RFTN2: variants seen among roughly 807,000 people sequenced by gnomAD.
The protein encoded by RFTN2 is raftlin-2.
In RFTN2, 34 loss-of-function variants were observed where a neutral mutation model predicts 52.7. That is an observed-to-expected ratio of 0.64 (90% CI 0.49 to 0.86). The LOEUF is 0.86. Ranked by LOEUF, RFTN2 falls within the 40% of genes least tolerant of loss-of-function variation. The pLI is 0.00. For synonymous variants in RFTN2, 203 were observed against 217.7 expected (o/e 0.93, Z 0.59); for missense variants, 536 against 600.1 (o/e 0.89, Z 1.12).
intron 8 of RFTN2, among the ~76,000 whole-genome samples, chr2:197,589,185 G>A (rs1265256164): frequency 8.6e-6 from 1 of 115,776 alleles, no homozygotes; most frequent in Non-Finnish European, 1.6e-5. Flanking sequence ...CCATGCCATT[G>A]CACCCCAGCC....
At chr2:197,640,443 CG>C (rs2088648515) in intron 3 of RFTN2, among the ~76,000 whole-genome samples, 1 of 151,962 alleles carries the variant, frequency 6.6e-6, no homozygotes, top group Admixed American at 6.5e-5. Flanking sequence ...CGTGGTGCGC[CG>C]TTTTTTAAGC....
intron 7 of RFTN2, among the ~76,000 whole-genome samples, chr2:197,608,470 C>T (rs375160939): frequency 3.2e-4 from 49 of 151,910 alleles, no homozygotes; most frequent in South Asian, 2.5e-3. Flanking sequence ...CACCACCACG[C>T]GCAGCTAATT....
intron 7 of RFTN2, among the ~76,000 whole-genome samples, chr2:197,615,101 G>A (rs1232539463): frequency 6.6e-6 from 1 of 152,184 alleles, no homozygotes; most frequent in South Asian, 2.1e-4. Context: ...TACTGGACAG[G>A]GCTAAGTTGC....
chr2:197,644,318 T>TG, intron 2 of RFTN2, 46 bp from the exon 3 acceptor site: 1 of 1,011,222 alleles, frequency 9.9e-7, no homozygotes, highest in Non-Finnish European at 1.6e-6. Context: ...AATTGCTGCT[T>TG]TTCAGCTAAT....
chr2:197,647,056 C>G (rs968679482), intron 1 of RFTN2, among the ~76,000 whole-genome samples: 2 of 152,006 alleles, frequency 1.3e-5, no homozygotes, highest in African/African-American at 4.8e-5. Context: ...AGCAGAAATA[C>G]AATGTCTTAT....
intron 7 of RFTN2, among the ~76,000 whole-genome samples, chr2:197,605,372 C>T (rs892080468): frequency 2.0e-5 from 3 of 151,876 alleles, no homozygotes; most frequent in Non-Finnish European, 4.4e-5. Flanking sequence ...CCCGCCACCA[C>T]GCCCGGCTAA....
intron 8 of RFTN2, among the ~76,000 whole-genome samples, chr2:197,584,313 G>A (rs757400346): frequency 3.3e-5 from 5 of 152,186 alleles, no homozygotes; most frequent in South Asian, 2.1e-4. Context: ...TTTAATGATC[G>A]CCATTCTAAC....
chr2:197,588,714 T>C (rs956963857), intron 8 of RFTN2, among the ~76,000 whole-genome samples: 3 of 152,240 alleles, frequency 2.0e-5, no homozygotes, highest in Non-Finnish European at 4.4e-5. Context: ...CTGGGTCATA[T>C]GGTAAATGTC....
intron 5 of RFTN2, among the ~76,000 whole-genome samples, chr2:197,619,056 G>A (rs1195096806): frequency 2.6e-5 from 4 of 150,996 alleles, no homozygotes; most frequent in Non-Finnish European, 4.4e-5. Flanking sequence ...GGGAGGTGAG[G>A]GGTGCCTCTG....
At chr2:197,663,167 A>G (rs750708213) in intron 1 of RFTN2, among the ~76,000 whole-genome samples, 5 of 152,166 alleles carry the variant, frequency 3.3e-5, no homozygotes, top group Admixed American at 6.5e-5. Flanking sequence ...AAATTAAACC[A>G]TGTTTGCATC....
chr2:197,594,429 G>C lies in RFTN2; in HGVS notation c.1233+1562C>G, dbSNP rs139759102. On this transcript the variant is annotated intron_variant, in intron 8 of 8. Transcript: ENST00000295049. ...TGCAGCACTGAACTCCTGGGCTCAA[G>C]TGATCCTCCCACTTCAACATCCCAA... Among the ~76,000 whole-genome samples, 887 of 152,190 alleles carry C rather than the reference G, an allele frequency of 5.8e-3. 9 individuals are homozygous for C. Among genetic ancestry groups the C allele is most frequent in the African/African-American group, 0.019 (809 of 41,528 alleles).
chr2:197,627,981 C>T (rs961856948), intron 5 of RFTN2, among the ~76,000 whole-genome samples: 17 of 146,018 alleles, frequency 1.2e-4, no homozygotes, highest in African/African-American at 4.1e-4. Context: ...TCTTCCATTC[C>T]TCATGGTGGG....
chr2:197,638,568 C>G (rs1055229906), intron 3 of RFTN2, among the ~76,000 whole-genome samples: 14 of 111,148 alleles, frequency 1.3e-4, no homozygotes, highest in Non-Finnish European at 5.5e-5. Context: ...CAACCCTTGC[C>G]TTTTTTTGTT....
chr2:197,615,631 TCC>T (rs1205145156), intron 7 of RFTN2, among the ~76,000 whole-genome samples: 5 of 152,154 alleles, frequency 3.3e-5, no homozygotes, highest in African/African-American at 1.2e-4. Context: ...CCCTACTGTG[TCC>T]TAAACCTGGC....
rs1280636481 is a variant in RFTN2, at chr2:197,569,947, A to AAAG, written c.*2060_*2061insCTT. 1 of 151,774 alleles carries AAAG rather than the reference A, an allele frequency of 6.6e-6. No homozygotes were observed. Among genetic ancestry groups the AAAG allele is most frequent in the African/African-American group, 2.4e-5 (1 of 41,316 alleles). The allele number at this position is 151,774 out of a possible 1,614,324, so 9.4% of individuals were successfully genotyped here. On this transcript the variant is annotated 3_prime_UTR_variant, in exon 9 of 9. Transcript: ENST00000295049. Reference sequence around the variant, plus strand: ...TCTGTCTCAAAAAAAAAAAAAAAAAAAAAAAGTTATTGCTATATTTCTGAG... The same window carrying AAAG: ...TCTGTCTCAAAAAAAAAAAAAAAAAAAAGAAAAAGTTATTGCTATATTTCTGAG...
rs2088204614 is a variant in RFTN2 at position 197,618,998 on chromosome 2, G to T, written c.929-1077C>A. Among the ~76,000 whole-genome samples, 4 of 151,608 alleles carry T rather than the reference G, an allele frequency of 2.6e-5. No individual in the cohort carries two copies. The South Asian group carries it at 8.3e-4, about 32-fold the overall frequency. On this transcript the variant is annotated intron_variant, in intron 5 of 8. Transcript: ENST00000295049. ...CCCGGCCAGCCGCCCCATCCGGGAG[G>T]GAGGGAGGTGGGGGGGTCAGCCCCC...
chr2:197,581,366 T>C (rs1480560074), intron 8 of RFTN2, among the ~76,000 whole-genome samples: 1 of 152,178 alleles, frequency 6.6e-6, no homozygotes, highest in Non-Finnish European at 1.5e-5. Flanking sequence ...AGATGCTTTT[T>C]TCACTATTCC....
chr2:197,588,600 G>A (rs901078163), intron 8 of RFTN2, among the ~76,000 whole-genome samples: 1 of 152,202 alleles, frequency 6.6e-6, no homozygotes, highest in Admixed American at 6.5e-5. Context: ...GTTGTTTCCA[G>A]TTTGAGGTGA....
At chr2:197,644,312 G>C in intron 2 of RFTN2, 40 bp from the exon 3 acceptor site, 1 of 1,121,020 alleles carries the variant, frequency 8.9e-7, no homozygotes, top group Non-Finnish European at 1.4e-6. Flanking sequence ...GAGGCCAATT[G>C]CTGCTTTTCA....
Sources: allele counts gnomAD v4.1 joint callset (sites outside exome capture counted in the v4.1 genomes callset), GRCh38; gene constraint gnomAD v4.1.1; transcripts MANE v1.5; gene names NCBI Gene and HGNC (gene_info 2026-07-23, HGNC 2026-07-21).